The following CELSR1 variants were observed in gnomAD, a reference collection of about 807,000 sequenced individuals.
The protein encoded by CELSR1 is cadherin EGF LAG seven-pass G-type receptor 1.
CELSR1 carries 110 observed loss-of-function variants against 249.1 expected under a neutral mutation model. That is an observed-to-expected ratio of 0.44 (90% CI 0.38 to 0.52). The LOEUF is 0.52. Ranked by LOEUF, CELSR1 falls within the 20% of genes least tolerant of loss-of-function variation. The pLI is 0.00. For synonymous variants in CELSR1, 2,113 were observed against 1,900.0 expected, an observed-to-expected ratio of 1.11 and a Z score of -2.92; for missense variants, 4,109 against 4,296.4, an observed-to-expected ratio of 0.96 and a Z score of 1.22.
chr22:46,398,407 A>G lies in CELSR1; in HGVS notation c.5526+117T>C. On this transcript the variant is annotated intron_variant, in intron 11 of 34. Coordinates refer to ENST00000674500, the MANE Select transcript of CELSR1 (RefSeq NM_001378328.1). This position sits in a 1 kb window ranked among gnomAD's most constrained non-coding sequence, Gnocchi z 7.2. ...TTAAAGTGGGGATGCCTGTCAGACAAATTCTTCACTCGTTGAAAGCTAACA... is the reference window on the plus strand; with the variant it reads ...TTAAAGTGGGGATGCCTGTCAGACAGATTCTTCACTCGTTGAAAGCTAACA... 1 of 670,270 alleles carries G rather than the reference A, an allele frequency of 1.5e-6. No homozygotes were observed. Among genetic ancestry groups the G allele is most frequent in the Non-Finnish European group, 2.5e-6 (1 of 397,380 alleles). The allele number at this position is 670,270 out of a possible 1,614,324, so 41.5% of individuals were successfully genotyped here.
rs1569179836 is a variant in CELSR1, at chr22:46,460,201, A to ACC, written c.4183+3505_4183+3506insGG. On this transcript the variant is annotated intron_variant, in intron 2 of 34. Transcript: ENST00000674500. ...AAAACACACACACACACACACACAC[A>ACC]CACACACACACACACCCATTAGCTA... Among the ~76,000 whole-genome samples the ACC allele has an allele frequency of 6.7e-4, 84 of 124,582 alleles. 2 individuals are homozygous for ACC. In the South Asian group the frequency reaches 9.4e-3, roughly 14 times the overall value. 81.7% of individuals were successfully genotyped at this position (124,582 alleles called of 152,430 possible).
At position 46,534,111 on chromosome 22, in the gene CELSR1, C is replaced by T; in HGVS notation, c.3060G>A (p.Lys1020=). 6.2e-7 allele frequency: 1 copy of T among 1,613,776 alleles called. No individual in the cohort carries two copies. Among genetic ancestry groups the T allele is most frequent in the Non-Finnish European group, 8.5e-7 (1 of 1,180,038 alleles). Residue 1020 remains lysine (K), a synonymous_variant, in exon 1 of 35, where the codon AAG becomes AAA. Coordinates refer to ENST00000674500, the MANE Select transcript of CELSR1 (RefSeq NM_001378328.1). This position sits in a 1 kb window ranked among gnomAD's most constrained non-coding sequence, Gnocchi z 9.7. ...ENNPVGSVVA[K]IRANDPDEGP... is the part of the protein sequence containing the mutation. The stretch of plus-strand genomic sequence containing the variant: ...CTTCATCAGGGTCGTTAGCACGAAT[C>T]TTTGCCACCACCGACCCCACTGGGT...
At chr22:46,443,669 AC>A (rs2079782254) in intron 2 of CELSR1, among the ~76,000 whole-genome samples, 2 of 152,190 alleles carry the variant, frequency 1.3e-5, no homozygotes, top group South Asian at 2.1e-4. Flanking sequence ...TCACACACAC[AC>A]ACATACATAC....
Position 46,417,480 on chromosome 22 carries a change from G to A in CELSR1, c.4612-5721C>T, listed in dbSNP as rs538163104. On this transcript the variant is annotated intron_variant, in intron 5 of 34. Coordinates refer to ENST00000674500, the MANE Select transcript of CELSR1 (RefSeq NM_001378328.1). This position sits in a 1 kb window ranked among gnomAD's most constrained non-coding sequence, Gnocchi z 4.1. ...AGCCACCCTCTACACAGGGGCTGCC[G>A]GCTGCTTTTGATGACCTGGCTCGAA... 5.3e-5 allele frequency among the ~76,000 whole-genome samples: 8 copies of A among 152,294 alleles called. No homozygotes were observed. The highest frequency in any genetic ancestry group is 1.7e-4 in the African/African-American group (7 of 41,564).
intron 1 of CELSR1, among the ~76,000 whole-genome samples, chr22:46,516,725 C>T (rs973650775): frequency 2.0e-5 from 3 of 152,162 alleles, no homozygotes; most frequent in Non-Finnish European, 4.4e-5. Context: ...GTGGCTCCTC[C>T]GGCCCAACGG....
intron 1 of CELSR1, among the ~76,000 whole-genome samples, chr22:46,474,785 C>CTTTTTTTTT (rs1569189753): frequency 2.2e-5 from 1 of 45,196 alleles, no homozygotes; most frequent in African/African-American, 9.7e-5. Context: ...CTACTCTCTA[C>CTTTTTTTTT]TTCTTTTTTT....
At chr22:46,372,490 C>G (rs1263137647) in intron 25 of CELSR1, among the ~76,000 whole-genome samples, 1 of 130,242 alleles carries the variant, frequency 7.7e-6, no homozygotes, top group Admixed American at 7.3e-5. Context: ...GCTTACCCCC[C>G]ATCCATCCAT....
rs535674769 is a variant in CELSR1, at chr22:46,396,558, C to T, written c.5843+47G>A. ...AAGACACTGAGTCGAGGGAACACAG[C>T]CACATGGACTCTGAAGGTGCAGGGA... On this transcript the variant is annotated intron_variant, in intron 13 of 34. Coordinates refer to ENST00000674500, the MANE Select transcript of CELSR1 (RefSeq NM_001378328.1). The surrounding 1 kb of genome is among the most constrained non-coding windows in gnomAD (Gnocchi z 6.4). 3.4e-5 allele frequency: 50 copies of T among 1,473,814 alleles called. No individual in the cohort carries two copies. The South Asian group carries it at 6.7e-4, about 20-fold the overall frequency. 91.3% of individuals were successfully genotyped at this position (1,473,814 alleles called of 1,614,324 possible). A position where few individuals can be genotyped will look rare whatever the true frequency, so the allele number is the denominator to read the frequency against.
chr22:46,374,327 G>A lies in CELSR1; in HGVS notation c.7585-1270C>T, dbSNP rs2078894106. On this transcript the variant is annotated intron_variant, in intron 24 of 34. Coordinates refer to ENST00000674500, the MANE Select transcript of CELSR1 (RefSeq NM_001378328.1). The surrounding 1 kb of genome is among the most constrained non-coding windows in gnomAD (Gnocchi z 4.3). ...ACCACCTTTTGAAAACAAAGTGCGA[G>A]GGCTGTGCCATCCTGGCTGCAGCAG... 1.3e-5 allele frequency among the ~76,000 whole-genome samples: 2 copies of A among 152,218 alleles called. No homozygotes were observed. The highest frequency in any genetic ancestry group is 4.1e-4 in the South Asian group (2 of 4,830).
chr22:46,536,769 G>T lies in CELSR1; in HGVS notation c.402C>A (p.Pro134=), dbSNP rs1308861796. The T allele has an allele frequency of 8.4e-7, 1 of 1,184,850 alleles. No homozygotes were observed. Among genetic ancestry groups the T allele is most frequent in the Non-Finnish European group, 1.0e-6 (1 of 958,910 alleles). The allele number at this position is 1,184,850 out of a possible 1,614,324, so 73.4% of individuals were successfully genotyped here. Residue 134 remains proline (P), a synonymous_variant, in exon 1 of 35, where the codon CCC becomes CCA. Coordinates refer to ENST00000674500, the MANE Select transcript of CELSR1 (RefSeq NM_001378328.1). ...GCGCGGCCGCGCAGCCGCCGGGGAC[G>T]GGGAAGCAGAGCGCCCCGCAGAGCC... is the stretch of plus-strand genomic sequence containing the variant. The part of the protein sequence containing the change: ...GARLCGALCF[P]VPGGCAAAQH...
chr22:46,373,642 T>TGGGAGAATGGGGAGATGGGGGAGATGG (rs2078882578), intron 24 of CELSR1, among the ~76,000 whole-genome samples: 1 of 91,108 alleles, frequency 1.1e-5, no homozygotes, highest in Non-Finnish European at 2.0e-5. Context: ...ACCAGCCAAA[T>TGGGAGAATGGGGAGATGGGGGAGATGG]GGGAGAATGG....
intron 4 of CELSR1, among the ~76,000 whole-genome samples, chr22:46,435,913 C>A (rs1412813717): frequency 2.6e-5 from 4 of 151,782 alleles, no homozygotes; most frequent in African/African-American, 9.7e-5. Flanking sequence ...GTTGGTCAGG[C>A]TGGTCTCGAT....
chr22:46,388,385 G>C (rs1321765632), intron 18 of CELSR1, among the ~76,000 whole-genome samples: 1 of 152,006 alleles, frequency 6.6e-6, no homozygotes. Context: ...AAACCAGAAA[G>C]GAAACTTGTT....
chr22:46,388,071 G>C (rs1174830110), intron 18 of CELSR1, among the ~76,000 whole-genome samples: 1 of 152,198 alleles, frequency 6.6e-6, no homozygotes, highest in Non-Finnish European at 1.5e-5. Context: ...AACCAGGGCT[G>C]AGCACGGTTG....
rs1294619057 is a variant in CELSR1 at position 46,533,921 on chromosome 22, G to A, written c.3250C>T (p.Arg1084Ter). The A allele has an allele frequency of 1.9e-6, 3 of 1,613,068 alleles. No individual in the cohort carries two copies. Among genetic ancestry groups the A allele is most frequent in the Non-Finnish European group, 2.5e-6 (3 of 1,180,012 alleles). ...VQATSAPLVS[R>*]ATVHILLVDQ... Reference sequence around the variant, plus strand: ...ACGAGAAGGATGTGCACCGTGGCTCGGCTCACCAGCGGAGCCGACGTGGCC... The same window carrying A: ...ACGAGAAGGATGTGCACCGTGGCTCAGCTCACCAGCGGAGCCGACGTGGCC... Residue 1084 changes from arginine to a stop codon, truncating the protein, a stop_gained, in exon 1 of 35, where the codon CGA (arginine) becomes TGA (stop). Transcript: ENST00000674500. LOFTEE classifies it high-confidence loss of function.
At chr22:46,489,553 A>C (rs1438191198) in intron 1 of CELSR1, among the ~76,000 whole-genome samples, 2 of 152,034 alleles carry the variant, frequency 1.3e-5, no homozygotes, top group African/African-American at 4.8e-5. Flanking sequence ...GACATGGCCC[A>C]CACTTGGACA....
rs1170552410 is a variant in CELSR1 at position 46,380,677 on chromosome 22, C to T, written c.7256+111G>A. The stretch of plus-strand genomic sequence containing the variant: ...CCACGGGGGACTTAAAGGGGAAACA[C>T]AGACCACAAGAGACCGTCCTCTTGG... On this transcript the variant is annotated intron_variant, in intron 22 of 34. Coordinates refer to ENST00000674500, the MANE Select transcript of CELSR1 (RefSeq NM_001378328.1). This position sits in a 1 kb window ranked among gnomAD's most constrained non-coding sequence, Gnocchi z 5.1. The T allele has an allele frequency of 7.7e-7, 1 of 1,291,992 alleles. No individual in the cohort carries two copies. The highest frequency in any genetic ancestry group is 1.1e-6 in the Non-Finnish European group (1 of 937,106). The allele number at this position is 1,291,992 out of a possible 1,614,324, so 80.0% of individuals were successfully genotyped here.
intron 1 of CELSR1, among the ~76,000 whole-genome samples, chr22:46,524,568 GTGTCTGTCTGTC>G (rs202238878): frequency 5.2e-5 from 3 of 57,180 alleles, no homozygotes; most frequent in Non-Finnish European, 1.5e-4. Flanking sequence ...GTGTGTGTGT[GTGTCTGTCTGTC>G]TGTGTGTTTT....
chr22:46,511,117 AACACAC>A (rs10694625), intron 1 of CELSR1, among the ~76,000 whole-genome samples: 5 of 149,754 alleles, frequency 3.3e-5, no homozygotes, highest in African/African-American at 4.9e-5. Flanking sequence ...TCGTCTCAAA[AACACAC>A]ACACACACAC....
Sources: allele counts gnomAD v4.1 joint callset (sites outside exome capture counted in the v4.1 genomes callset), GRCh38; gene constraint gnomAD v4.1.1; non-coding constraint Gnocchi (gnomAD v3.1); transcripts MANE v1.5; gene names NCBI Gene and HGNC (gene_info 2026-07-23, HGNC 2026-07-21).